The following RAB28 variants were observed in gnomAD, a reference collection of about 807,000 sequenced individuals.
RAB28 encodes the protein RAB28, member RAS oncogene family.
A neutral mutation model predicts 31.7 loss-of-function variants in RAB28; 24 were observed. The observed-to-expected ratio is 0.76, with a 90% CI of 0.55 to 1.06. The LOEUF (loss-of-function observed/expected upper bound fraction) is 1.06. Among genes scored for constraint, RAB28 ranks in the 50% least tolerant of loss-of-function variants. The pLI is 0.00. For missense variants in RAB28, 254 were observed against 258.5 expected, an observed-to-expected ratio of 0.98 and a Z score of 0.12; for synonymous variants, 100 against 90.4, an observed-to-expected ratio of 1.11 and a Z score of -0.60.
intron 3 of RAB28, among the ~76,000 whole-genome samples, chr4:13,471,334 T>C (rs1045489617): frequency 2.0e-5 from 3 of 152,078 alleles, no homozygotes; most frequent in African/African-American, 7.2e-5. Flanking sequence ...AAAAGTAACA[T>C]TTTCTCCAAT....
At chr4:13,446,793 C>G (rs998682196) in intron 4 of RAB28, among the ~76,000 whole-genome samples, 3 of 152,090 alleles carry the variant, frequency 2.0e-5, no homozygotes, top group African/African-American at 4.8e-5. Flanking sequence ...TGTTTCTACT[C>G]GGTCATTTTG....
intron 4 of RAB28, among the ~76,000 whole-genome samples, chr4:13,423,691 T>C (rs1454625375): frequency 6.6e-6 from 1 of 152,154 alleles, no homozygotes; most frequent in Admixed American, 6.5e-5. Context: ...CTAAAATATC[T>C]GTTATCTGGC....
chr4:13,368,639 C>T lies in RAB28; in HGVS notation c.585G>A (p.Lys195=). Residue 195 remains lysine (K), a synonymous_variant, in exon 7 of 7, where the codon AAG becomes AAA. Coordinates refer to ENST00000330852, the MANE Select transcript of RAB28 (RefSeq NM_001017979.3). ...AEIEQSQRVV[K]ADIVNYNQEP... Reference sequence around the variant, plus strand: ...CCTGGTTGTAGTTTACAATATCTGCCTTCACCACCCTCTGTCATAAAAGAA... The same window carrying T: ...CCTGGTTGTAGTTTACAATATCTGCTTTCACCACCCTCTGTCATAAAAGAA... 1 of 1,610,570 alleles carries T rather than the reference C, an allele frequency of 6.2e-7. No homozygotes were observed. The highest frequency in any genetic ancestry group is 8.5e-7 in the Non-Finnish European group (1 of 1,177,742).
At chr4:13,440,534 C>G (rs929494034) in intron 4 of RAB28, among the ~76,000 whole-genome samples, 1 of 151,688 alleles carries the variant, frequency 6.6e-6, no homozygotes, top group Non-Finnish European at 1.5e-5. Context: ...CTTTTTCATA[C>G]CAAAGGGCTC....
chr4:13,467,440 A>C (rs1383767800), intron 3 of RAB28, among the ~76,000 whole-genome samples: 1 of 151,928 alleles, frequency 6.6e-6, no homozygotes, highest in Admixed American at 6.6e-5. Flanking sequence ...ATAAAATACA[A>C]CTGTTTAAAG....
rs1372212293 is a variant in RAB28 at position 13,381,389 on chromosome 4, G to C, written c.495+102C>G. 8.2e-6 allele frequency: 6 copies of C among 735,606 alleles called. No individual in the cohort carries two copies. In the African/African-American group the frequency reaches 1.1e-4, roughly 13 times the overall value. 45.6% of individuals were successfully genotyped at this position (735,606 alleles called of 1,614,324 possible). ...TCTAAGGAATTTCATGTTTTCAATA[G>C]GAATTAATTTGCTCCAAAAGTTAAA... On this transcript the variant is annotated intron_variant, in intron 5 of 6. Coordinates refer to ENST00000330852, the MANE Select transcript of RAB28 (RefSeq NM_001017979.3).
intron 4 of RAB28, among the ~76,000 whole-genome samples, chr4:13,436,726 C>T (rs73229691): frequency 0.014 from 2,097 of 152,200 alleles, 24 homozygotes; most frequent in Middle Eastern, 0.044. Flanking sequence ...AATGGAAAAA[C>T]ATTCTATGCT....
chr4:13,474,291 C>A (rs1716250822), intron 3 of RAB28, 27 bp downstream of exon 3: 1 of 1,431,548 alleles, frequency 7.0e-7, no homozygotes, highest in Non-Finnish European at 9.8e-7. Context: ...ACTTTCAATA[C>A]TGGAATAATC....
At chr4:13,468,276 T>C (rs1715961003) in intron 3 of RAB28, among the ~76,000 whole-genome samples, 1 of 151,984 alleles carries the variant, frequency 6.6e-6, no homozygotes, top group Non-Finnish European at 1.5e-5. Flanking sequence ...CGGTATTCAT[T>C]AGAATACGTA....
intron 4 of RAB28, among the ~76,000 whole-genome samples, chr4:13,389,386 A>G (rs1729526267): frequency 6.6e-6 from 1 of 152,142 alleles, no homozygotes; most frequent in Admixed American, 6.5e-5. Flanking sequence ...TTGTTTCACA[A>G]CAATATGACT....
intron 4 of RAB28, among the ~76,000 whole-genome samples, chr4:13,439,469 C>T (rs998479231): frequency 6.6e-6 from 1 of 152,178 alleles, no homozygotes; most frequent in African/African-American, 2.4e-5. Context: ...ACTCTCATGC[C>T]TCAGCCTCAT....
intron 6 of RAB28, chr4:13,371,395 T>G: frequency 1.0e-6 from 1 of 985,336 alleles, no homozygotes; most frequent in Non-Finnish European, 1.2e-6. Flanking sequence ...GATGGGATTT[T>G]CATAATCAGT....
At chr4:13,371,039 T>C in intron 6 of RAB28, 2 of 983,562 alleles carry the variant, frequency 2.0e-6, no homozygotes, top group East Asian at 1.1e-4. Flanking sequence ...TAATAGCATC[T>C]ATTAATTTAT....
In RAB28 at chr4:13,467,728, CAAAG is replaced by C. The variant is rs537003278; in HGVS notation, c.261+6586_261+6589del. ...AAGCAGAAAAAGAGGGGATAAGAAA[CAAAG>C]AACATGTGCAAAGAATAGAAAACAA... On this transcript the variant is annotated intron_variant, in intron 3 of 6. Coordinates refer to ENST00000330852, the MANE Select transcript of RAB28 (RefSeq NM_001017979.3). Among the ~76,000 whole-genome samples the C allele has an allele frequency of 5.9e-5, 9 of 151,836 alleles. No homozygotes were observed. In the South Asian group the frequency reaches 1.9e-3, roughly 32 times the overall value.
In RAB28 at chr4:13,481,568, TCTA is replaced by T. The variant is rs766535010; in HGVS notation, c.76-2045_76-2043del. Reference sequence around the variant, plus strand: ...ACTAACATTTTTGACTTGGTAAATTTCTACTAACATTTTTTAACCATGCTACAT... The same window carrying T: ...ACTAACATTTTTGACTTGGTAAATTTCTAACATTTTTTAACCATGCTACAT... On this transcript the variant is annotated intron_variant, in intron 1 of 6. Transcript: ENST00000330852. 4.6e-5 allele frequency among the ~76,000 whole-genome samples: 7 copies of T among 152,170 alleles called. 1 individual carries two copies. In the South Asian group the frequency reaches 1.2e-3, roughly 27 times the overall value.
intron 4 of RAB28, among the ~76,000 whole-genome samples, chr4:13,418,104 A>T (rs1712905490): frequency 6.6e-6 from 1 of 152,252 alleles, no homozygotes; most frequent in Admixed American, 6.5e-5. Flanking sequence ...TATGTGAGGC[A>T]TGAACAAACT....
chr4:13,374,281 G>T (rs140949386), intron 6 of RAB28, among the ~76,000 whole-genome samples: 414 of 152,240 alleles, frequency 2.7e-3, no homozygotes, highest in African/African-American at 9.5e-3. Context: ...GATGTGCAGG[G>T]AGGGTAGGGA....
chr4:13,424,170 G>A (rs564731330), intron 4 of RAB28, among the ~76,000 whole-genome samples: 1 of 152,290 alleles, frequency 6.6e-6, no homozygotes, highest in East Asian at 1.9e-4. Flanking sequence ...TTCAGTTCAA[G>A]ACTATATTTC....
At chr4:13,431,298 A>C (rs756646497) in intron 4 of RAB28, among the ~76,000 whole-genome samples, 1 of 152,164 alleles carries the variant, frequency 6.6e-6, no homozygotes, top group African/African-American at 2.4e-5. Flanking sequence ...GAGCCCTGCA[A>C]CAAGGGCATG....
Sources: gnomAD v4.1 joint callset for allele counts (sites outside exome capture counted in the v4.1 genomes callset) on GRCh38, gnomAD v4.1.1 for gene constraint, MANE v1.5 for transcripts, NCBI Gene and HGNC (gene_info 2026-07-23, HGNC 2026-07-21) for gene names.